Variants in NHSL1 observed in about 807,000 individuals in gnomAD.
The protein encoded by NHSL1 is NHS like 1, also known as NHS-like protein 1.
A neutral mutation model predicts 95.0 loss-of-function variants in NHSL1; 48 were observed. The observed-to-expected ratio is 0.51, with a 90% CI of 0.40 to 0.64. The LOEUF (loss-of-function observed/expected upper bound fraction) is 0.64, where lower values mean the gene tolerates loss of function less well. Ranked by LOEUF, NHSL1 falls within the 30% of genes least tolerant of loss-of-function variation. The probability of loss-of-function intolerance (pLI) is 0.00; values close to 1 mark genes in which losing one functional copy is unlikely to be tolerated. For missense variants in NHSL1, 1,971 were observed against 2,077.7 expected (o/e 0.95, Z 1.00); for synonymous variants, 783 against 833.9 (o/e 0.94, Z 1.05).
chr6:138,502,921 T>C (rs1230667383), upstream of NHSL1, among the ~76,000 whole-genome samples: 1 of 152,176 alleles, frequency 6.6e-6, no homozygotes, highest in Non-Finnish European at 1.5e-5. Flanking sequence ...TTAGCAGCCT[T>C]CTGCTTAATA....
chr6:138,653,041 G>C (rs1455944994), intron 1 of NHSL1, among the ~76,000 whole-genome samples: 1 of 152,192 alleles, frequency 6.6e-6, no homozygotes, highest in Non-Finnish European at 1.5e-5. Context: ...GATTTCCTCT[G>C]CATTCTCTTG....
chr6:138,436,506 T>C (rs1426951694), intron 5 of NHSL1, among the ~76,000 whole-genome samples: 1 of 152,186 alleles, frequency 6.6e-6, no homozygotes, highest in African/African-American at 2.4e-5. Flanking sequence ...GGTTGTTTCA[T>C]GAGGTTGAAG....
intron 2 of NHSL1, among the ~76,000 whole-genome samples, chr6:138,475,315 T>G (rs576630100): frequency 8.5e-4 from 129 of 152,140 alleles, no homozygotes; most frequent in Middle Eastern, 3.4e-3. Context: ...CTCAATCTCC[T>G]AGGCTCAAGT....
chr6:138,648,196 C>T (rs921538161), intron 1 of NHSL1, among the ~76,000 whole-genome samples: 2 of 152,028 alleles, frequency 1.3e-5, no homozygotes, highest in Non-Finnish European at 2.9e-5. Context: ...TATTAAAATG[C>T]ATCTATCAAT....
intron 2 of NHSL1, among the ~76,000 whole-genome samples, chr6:138,490,588 G>C (rs1780013170): frequency 6.6e-6 from 1 of 152,118 alleles, no homozygotes; most frequent in Non-Finnish European, 1.5e-5. Flanking sequence ...AGAGAAATCT[G>C]GCTGGAACAA....
intron 1 of NHSL1, among the ~76,000 whole-genome samples, chr6:138,535,746 T>C (rs556488328): frequency 3.8e-4 from 58 of 152,318 alleles, no homozygotes; most frequent in African/African-American, 1.4e-3. Flanking sequence ...GGTGAAAATG[T>C]GGCAGCTAGA....
At position 138,430,351 on chromosome 6, in the gene NHSL1, G is replaced by A. The variant is rs1028819242; in HGVS notation, c.3952+42C>T. The A allele has an allele frequency of 4.2e-6, 6 of 1,439,252 alleles. No individual in the cohort carries two copies. The highest frequency in any genetic ancestry group is 5.5e-6 in the Non-Finnish European group (6 of 1,092,492). 89.2% of individuals were successfully genotyped at this position (1,439,252 alleles called of 1,614,324 possible). ...ACCCTATCTGGTTCAGCTGCATATG[G>A]GCAGAGGGCACAGGAGAGAGAAGCC... On this transcript the variant is annotated intron_variant, in intron 6 of 7. Coordinates refer to ENST00000343505, the MANE Select transcript of NHSL1 (RefSeq NM_001144060.2). The surrounding 1 kb of genome is among the most constrained non-coding windows in gnomAD (Gnocchi z 4.7).
intron 1 of NHSL1, among the ~76,000 whole-genome samples, chr6:138,537,302 T>C (rs1782395770): frequency 6.6e-6 from 1 of 152,246 alleles, no homozygotes. Context: ...AATATTTGTG[T>C]TGCTACCACG....
chr6:138,432,617 G>A lies in NHSL1; in HGVS notation c.1728C>T (p.Ser576=). 1.3e-6 allele frequency: 2 copies of A among 1,551,592 alleles called. No individual in the cohort carries two copies. The highest frequency in any genetic ancestry group is 1.7e-6 in the Non-Finnish European group (2 of 1,146,834). ...AGCTGCTCATGTTACTTGTGGGAGT[G>A]GAATAGCCAGGAGTTGCTAAATGCG... ...LKPHLATPGY[S]TPTSNMSSCS... The change falls in exon 6 of 8, where the codon TCC becomes TCT. Residue 576 remains serine (S), a synonymous_variant. Coordinates refer to ENST00000343505, the MANE Select transcript of NHSL1 (RefSeq NM_001144060.2). The surrounding 1 kb of genome is among the most constrained non-coding windows in gnomAD (Gnocchi z 4.4).
intron 5 of NHSL1, among the ~76,000 whole-genome samples, chr6:138,437,351 T>TAC (rs1290270529): frequency 1.4e-5 from 1 of 69,448 alleles, no homozygotes; most frequent in Non-Finnish European, 2.6e-5. Context: ...TACACATATA[T>TAC]ATATACACAT....
At chr6:138,528,847 C>G (rs1195010167) in intron 1 of NHSL1, among the ~76,000 whole-genome samples, 2 of 152,204 alleles carry the variant, frequency 1.3e-5, no homozygotes, top group Non-Finnish European at 2.9e-5. Context: ...ATCCTCTCTT[C>G]TCATTAACAA....
chr6:138,513,439 A>G lies in NHSL1; in HGVS notation c.17-17068T>C, dbSNP rs568668885. On this transcript the variant is annotated intron_variant, in intron 1 of 4. Coordinates refer to the NHSL1 transcript ENST00000342260. ...TCACCCAGGCTAGAGTGCAGATCCC[A>G]GTTCACCACAGTCTCCAACTCCTGT... Among the ~76,000 whole-genome samples, 14 of 152,146 alleles carry G rather than the reference A, an allele frequency of 9.2e-5. No individual in the cohort carries two copies. The South Asian group carries it at 1.2e-3, about 14-fold the overall frequency.
chr6:138,655,623 T>C (rs2114719540), intron 1 of NHSL1, among the ~76,000 whole-genome samples: 1 of 152,244 alleles, frequency 6.6e-6, no homozygotes. Flanking sequence ...GAAAACAAAA[T>C]TACAATTGTC....
At chr6:138,503,652 C>T (rs1447119059), upstream of NHSL1, among the ~76,000 whole-genome samples, 1 of 152,136 alleles carries the variant, frequency 6.6e-6, no homozygotes, top group Non-Finnish European at 1.5e-5. Flanking sequence ...ATATTTACTA[C>T]CTGGACCTTT....
chr6:138,565,005 G>A (rs539036384), intron 1 of NHSL1, among the ~76,000 whole-genome samples: 8 of 152,258 alleles, frequency 5.3e-5, no homozygotes, highest in African/African-American at 9.6e-5. Flanking sequence ...AGAGGACGGA[G>A]GCAGATCCCG....
At chr6:138,683,767 G>A (rs2114791025) in intron 1 of NHSL1, among the ~76,000 whole-genome samples, 1 of 152,340 alleles carries the variant, frequency 6.6e-6, no homozygotes, top group South Asian at 2.1e-4. Flanking sequence ...AGCTGTGAAT[G>A]TGGGCAAACA....
intron 2 of NHSL1, among the ~76,000 whole-genome samples, chr6:138,479,016 T>C (rs897055654): frequency 2.0e-5 from 3 of 152,220 alleles, no homozygotes; most frequent in African/African-American, 7.2e-5. Context: ...CATTAAGCTA[T>C]TCTTTAGTCA....
intron 1 of NHSL1, among the ~76,000 whole-genome samples, chr6:138,679,046 C>T (rs1785481616): frequency 6.6e-6 from 1 of 152,198 alleles, no homozygotes; most frequent in Non-Finnish European, 1.5e-5. Context: ...AACCGTCCAA[C>T]ATTTAGAATA....
At chr6:138,682,280 A>G (rs1163715718) in intron 1 of NHSL1, among the ~76,000 whole-genome samples, 1 of 152,224 alleles carries the variant, frequency 6.6e-6, no homozygotes, top group African/African-American at 2.4e-5. Context: ...CACCATCCCA[A>G]AGGAAAAATA....
Sources: allele counts gnomAD v4.1 joint callset (sites outside exome capture counted in the v4.1 genomes callset), GRCh38; gene constraint gnomAD v4.1.1; non-coding constraint Gnocchi (gnomAD v3.1); transcripts MANE v1.5; gene names NCBI Gene and HGNC (gene_info 2026-07-23, HGNC 2026-07-21).